TMEM135: variants seen among roughly 807,000 people sequenced by gnomAD.
TMEM135 encodes the protein transmembrane protein 135.
TMEM135 carries 30 observed loss-of-function variants against 60.3 expected under a neutral mutation model. The observed-to-expected ratio is 0.50, with a 90% CI of 0.37 to 0.68. The LOEUF (loss-of-function observed/expected upper bound fraction) is 0.68. Among genes scored for constraint, TMEM135 ranks in the 30% least tolerant of loss-of-function variants. TMEM135 has a pLI of 0.00. For missense variants in TMEM135, 468 were observed against 548.8 expected (o/e 0.85, Z 1.47); for synonymous variants, 190 against 186.7 (o/e 1.02, Z -0.14).
intron 4 of TMEM135, among the ~76,000 whole-genome samples, chr11:87,125,238 C>T (rs190261681): frequency 1.3e-5 from 2 of 152,288 alleles, no homozygotes; most frequent in Admixed American, 1.3e-4. Context: ...AATGCGCTGT[C>T]TTTGTAGACC....
chr11:87,321,279 G>T lies in TMEM135; in HGVS notation c.1323G>T (p.Arg441Ser), dbSNP rs141673499. ...AACACTTTCAGGATTTCATCCCCAG[G>T]TTGGATCCAAGATACACAACTGTAA... ...ASKHFQDFIP[R>S]LDPRYTTVTP... Residue 441 changes from arginine (R) to serine (S), a missense_variant, in exon 15 of 15, where the codon AGG becomes AGT. Physicochemically the swap from Arg to Ser is moderately radical, Grantham distance 110. Transcript: ENST00000305494. 2.2e-4 allele frequency: 361 copies of T among 1,613,530 alleles called. No individual in the cohort carries two copies. The highest frequency in any genetic ancestry group is 3.0e-4 in the Non-Finnish European group (350 of 1,179,706).
In TMEM135 at chr11:87,322,768, T is replaced by G. The variant is rs998108153; in HGVS notation, c.*1435T>G. 4.4e-6 allele frequency: 2 copies of G among 454,276 alleles called. No individual in the cohort carries two copies. The highest frequency in any genetic ancestry group is 8.8e-6 in the Non-Finnish European group (2 of 226,734). 28.1% of individuals were successfully genotyped at this position (454,276 alleles called of 1,614,324 possible). On this transcript the variant is annotated 3_prime_UTR_variant, in exon 15 of 15. Transcript: ENST00000305494. ...AATGTAATTCAATCCTTGGTTGTTA[T>G]GGCAAACAGAAACCCAACAAAAAGA...
rs535273853 is a variant in TMEM135, at chr11:87,236,300, A to G, written c.463-338A>G. The stretch of plus-strand genomic sequence containing the variant: ...TTTAGCTTTTCTGGGCCACATTGGA[A>G]GAAGAAAAATTGTCTTGGGCCATAC... On this transcript the variant is annotated intron_variant, in intron 5 of 14. Transcript: ENST00000305494. Among the ~76,000 whole-genome samples, 9 of 152,080 alleles carry G rather than the reference A, an allele frequency of 5.9e-5. No homozygotes were observed. The South Asian group carries it at 1.9e-3, about 32-fold the overall frequency.
At chr11:87,071,804 T>C (rs1167924303) in intron 3 of TMEM135, among the ~76,000 whole-genome samples, 189 bp downstream of exon 3, 1 of 152,022 alleles carries the variant, frequency 6.6e-6, no homozygotes, top group East Asian at 1.9e-4. Context: ...TTATTGTCTA[T>C]AAAAATATAA....
chr11:87,256,929 T>C (rs1435292802), intron 6 of TMEM135, among the ~76,000 whole-genome samples: 2 of 152,064 alleles, frequency 1.3e-5, no homozygotes, highest in Non-Finnish European at 2.9e-5. Flanking sequence ...TGTGTGTGTA[T>C]GTGTATGTGT....
intron 4 of TMEM135, among the ~76,000 whole-genome samples, chr11:87,141,066 A>G (rs1324353650): frequency 1.3e-5 from 2 of 148,492 alleles, no homozygotes; most frequent in African/African-American, 2.5e-5. Context: ...TAACATTGTT[A>G]TGACTATCTT....
At chr11:87,172,242 C>T (rs962168453) in intron 5 of TMEM135, among the ~76,000 whole-genome samples, 3 of 152,022 alleles carry the variant, frequency 2.0e-5, no homozygotes, top group Non-Finnish European at 4.4e-5. Flanking sequence ...CTGTTGTAAA[C>T]CACTGTTTTA....
chr11:87,235,397 A>G (rs1444813366), intron 5 of TMEM135, among the ~76,000 whole-genome samples: 1 of 151,812 alleles, frequency 6.6e-6, no homozygotes, highest in East Asian at 1.9e-4. Flanking sequence ...TTAATTGATA[A>G]CAATCCTCTT....
intron 4 of TMEM135, among the ~76,000 whole-genome samples, chr11:87,120,798 C>T (rs891664731): frequency 2.6e-5 from 4 of 151,938 alleles, no homozygotes; most frequent in African/African-American, 7.3e-5. Context: ...TAATTATAAT[C>T]GTTTAAAGCA....
chr11:87,206,791 C>T (rs895845842), intron 5 of TMEM135, among the ~76,000 whole-genome samples: 1 of 152,128 alleles, frequency 6.6e-6, no homozygotes, highest in Admixed American at 6.5e-5. Context: ...AGTTTTACTT[C>T]ATAGTCTTGT....
At chr11:87,190,980 A>C (rs1435203254) in intron 5 of TMEM135, among the ~76,000 whole-genome samples, 1 of 152,128 alleles carries the variant, frequency 6.6e-6, no homozygotes, top group Non-Finnish European at 1.5e-5. Context: ...ATTCTTCATT[A>C]TTCCATACTA....
chr11:87,327,539 T>G lies in TMEM135; in HGVS notation c.*6206T>G, dbSNP rs1023079530. On this transcript the variant is annotated 3_prime_UTR_variant, in exon 15 of 15. Transcript: ENST00000305494. ...GGATAGAGAGATACATAGAGAGAGA[T>G]ATGAGAGGGATAGAGAGAGACACAG... The G allele has an allele frequency of 6.9e-5, 31 of 452,354 alleles. No individual in the cohort carries two copies. Among genetic ancestry groups the G allele is most frequent in the African/African-American group, 5.2e-4 (26 of 49,684 alleles). 28.0% of individuals were successfully genotyped at this position (452,354 alleles called of 1,614,324 possible).
At chr11:87,043,021 T>C (rs1949764133) in intron 1 of TMEM135, among the ~76,000 whole-genome samples, 1 of 149,788 alleles carries the variant, frequency 6.7e-6, no homozygotes, top group Non-Finnish European at 1.5e-5. Flanking sequence ...AGTGGTGTGA[T>C]CTCGGCTCAC....
In TMEM135 at chr11:87,132,877, A is replaced by G. The variant is rs567864705; in HGVS notation, c.397-24464A>G. Among the ~76,000 whole-genome samples, 301 of 152,224 alleles carry G rather than the reference A, an allele frequency of 2.0e-3. 1 individual carries two copies. The highest frequency in any genetic ancestry group is 1.8e-3 in the Non-Finnish European group (123 of 68,004). On this transcript the variant is annotated intron_variant, in intron 4 of 14. Transcript: ENST00000305494. ...ATAAAGTTTATCTTACACATTTTTC[A>G]CAATAAGGGATTAGTAACAATAATA...
At chr11:87,206,454 A>G (rs1940236048) in intron 5 of TMEM135, among the ~76,000 whole-genome samples, 1 of 152,124 alleles carries the variant, frequency 6.6e-6, no homozygotes, top group African/African-American at 2.4e-5. Flanking sequence ...TTTTCCTCCT[A>G]TTACATGGTA....
chr11:87,250,468 T>G (rs1182845346), intron 6 of TMEM135, among the ~76,000 whole-genome samples: 1 of 152,046 alleles, frequency 6.6e-6, no homozygotes, highest in Non-Finnish European at 1.5e-5. Flanking sequence ...TCATAGATTT[T>G]GGTTTGTTGT....
chr11:87,081,149 G>T (rs1318244633), intron 3 of TMEM135, among the ~76,000 whole-genome samples: 4 of 149,260 alleles, frequency 2.7e-5, no homozygotes, highest in Non-Finnish European at 3.0e-5. Context: ...TATCTATTCT[G>T]CTAGTGTTAG....
In TMEM135 at chr11:87,314,397, T is replaced by C. The variant is rs535984039; in HGVS notation, c.1001-74T>C. ...ATAGTGCTGATTCTATGTAAGTGAA[T>C]TAACATTTCTGATGACATAATAACA... On this transcript the variant is annotated intron_variant, in intron 11 of 14. Transcript: ENST00000305494. 2.4e-4 allele frequency: 308 copies of C among 1,289,768 alleles called. No homozygotes were observed. The African/African-American group carries it at 4.0e-3, about 17-fold the overall frequency. The allele number at this position is 1,289,768 out of a possible 1,614,324, so 79.9% of individuals were successfully genotyped here. A position where few individuals can be genotyped will look rare whatever the true frequency, so the allele number is the denominator to read the frequency against.
chr11:87,205,033 A>G (rs1940205214), intron 5 of TMEM135, among the ~76,000 whole-genome samples: 1 of 152,206 alleles, frequency 6.6e-6, no homozygotes, highest in Admixed American at 6.5e-5. Context: ...TTTTAAAATT[A>G]GTGCTTTATT....
Sources: allele counts gnomAD v4.1 joint callset (sites outside exome capture counted in the v4.1 genomes callset), GRCh38; gene constraint gnomAD v4.1.1; transcripts MANE v1.5; gene names NCBI Gene and HGNC (gene_info 2026-07-23, HGNC 2026-07-21).